ARHGAP22: variants seen among roughly 807,000 people sequenced by gnomAD.
The protein encoded by ARHGAP22 is rho GTPase-activating protein 22.
ARHGAP22 carries 48 observed loss-of-function variants against 59.1 expected under a neutral mutation model. That is an observed-to-expected ratio of 0.81 (90% CI 0.64 to 1.03). The LOEUF (loss-of-function observed/expected upper bound fraction) is 1.03. Among genes scored for constraint, ARHGAP22 ranks in the 50% least tolerant of loss-of-function variants. ARHGAP22 has a pLI of 0.00. For missense variants in ARHGAP22, 1,015 were observed against 958.7 expected, an observed-to-expected ratio of 1.06 and a Z score of -0.78; for synonymous variants, 445 against 416.4, an observed-to-expected ratio of 1.07 and a Z score of -0.84.
intron 2 of ARHGAP22, among the ~76,000 whole-genome samples, chr10:48,556,243 G>A (rs772581448): frequency 6.6e-6 from 1 of 152,022 alleles, no homozygotes. Context: ...CAGGTAACCC[G>A]CTCAATGTCT....
Position 48,446,391 on chromosome 10 carries a change from T to A in ARHGAP22, c.2097A>T (p.Ter699TyrextTer113). 6.2e-7 allele frequency: 1 copy of A among 1,614,094 alleles called. No homozygotes were observed. Among genetic ancestry groups the A allele is most frequent in the Non-Finnish European group, 8.5e-7 (1 of 1,179,988 alleles). ...VGAKGARAPK* is the reference protein window; with the variant it reads ...VGAKGARAPKY Reference sequence around the variant, plus strand: ...ACAGAAGTGAGCTCTGCCATTCCTTTTACTTTGGGGCCCTGGCACCTTTTG... The same window carrying A: ...ACAGAAGTGAGCTCTGCCATTCCTTATACTTTGGGGCCCTGGCACCTTTTG... Residue 699 changes from the stop codon to tyrosine (Y), a stop_lost, in exon 10 of 10, where the codon TAA becomes TAT. Transcript: ENST00000249601.
At chr10:48,604,271 C>T (rs2060549513) in intron 1 of ARHGAP22, among the ~76,000 whole-genome samples, 1 of 152,232 alleles carries the variant, frequency 6.6e-6, no homozygotes. Flanking sequence ...GGCAGGAAAG[C>T]CTGCCTGCCC....
chr10:48,456,201 C>T (rs938527060), intron 5 of ARHGAP22, among the ~76,000 whole-genome samples: 5 of 152,190 alleles, frequency 3.3e-5, no homozygotes, highest in African/African-American at 1.2e-4. Flanking sequence ...AAAGATGAGA[C>T]GGGGCCAGGA....
At chr10:48,655,047 T>TCC (rs1419651598), upstream of ARHGAP22, among the ~76,000 whole-genome samples, 27 of 49,944 alleles carry the variant, frequency 5.4e-4, no homozygotes, top group East Asian at 1.2e-3. Context: ...TCTTTCTTTC[T>TCC]TTCTTTCTCC....
chr10:48,565,988 G>A (rs576575063), intron 2 of ARHGAP22, among the ~76,000 whole-genome samples: 1 of 152,278 alleles, frequency 6.6e-6, no homozygotes, highest in Non-Finnish European at 1.5e-5. Flanking sequence ...TGCAGGGCCC[G>A]GGATGTCTGT....
chr10:48,455,951 C>A (rs1044222884), intron 5 of ARHGAP22, among the ~76,000 whole-genome samples: 1 of 152,198 alleles, frequency 6.6e-6, no homozygotes, highest in Admixed American at 6.5e-5. Flanking sequence ...CCACTCCAGG[C>A]CTCAGTCTCC....
chr10:48,492,544 C>T (rs775913533), intron 3 of ARHGAP22, among the ~76,000 whole-genome samples: 1 of 152,130 alleles, frequency 6.6e-6, no homozygotes. Context: ...AAAGTATATA[C>T]AAAATAAATT....
chr10:48,474,043 T>C (rs1430695087), intron 4 of ARHGAP22, among the ~76,000 whole-genome samples: 1 of 152,140 alleles, frequency 6.6e-6, no homozygotes, highest in Non-Finnish European at 1.5e-5. Context: ...GTTTGAGGAG[T>C]ATTGGCCTCT....
In ARHGAP22 at chr10:48,451,013, G is replaced by A. The variant is rs1395567166; in HGVS notation, c.1116C>T (p.Ser372=). The change falls in exon 9 of 10, where the codon TCC becomes TCT. Residue 372 remains serine, a synonymous_variant. Transcript: ENST00000249601. ...CTTGGCTGTCCCTGGTGACCTCCTC[G>A]GAGCCCCACCCCACTGCGCATTGCA... The part of the protein sequence containing the change: ...GGLQCAVGWG[S]EEVTRDSQGE... 1.5e-5 allele frequency: 24 copies of A among 1,555,516 alleles called. No homozygotes were observed. Among genetic ancestry groups the A allele is most frequent in the Non-Finnish European group, 1.9e-5 (22 of 1,149,898 alleles).
At chr10:48,523,030 C>T (rs1359696537) in intron 3 of ARHGAP22, among the ~76,000 whole-genome samples, 1 of 152,210 alleles carries the variant, frequency 6.6e-6, no homozygotes, top group African/African-American at 2.4e-5. Context: ...ATTGATGGCA[C>T]CATTCTCACC....
At chr10:48,591,990 C>T (rs2040558733) in intron 1 of ARHGAP22, among the ~76,000 whole-genome samples, 1 of 152,242 alleles carries the variant, frequency 6.6e-6, no homozygotes, top group South Asian at 2.1e-4. Flanking sequence ...TAGTCACAAT[C>T]AAGCATGCCC....
At chr10:48,622,090 A>C (rs2061304552) in intron 1 of ARHGAP22, among the ~76,000 whole-genome samples, 2 of 152,164 alleles carry the variant, frequency 1.3e-5, no homozygotes, top group African/African-American at 4.8e-5. Context: ...TTAAAAATCC[A>C]TCTTGCTTGT....
chr10:48,459,845 C>T lies in ARHGAP22; in HGVS notation c.498G>A (p.Lys166=), dbSNP rs1189245745. Residue 166 remains lysine (K), a synonymous_variant, in exon 5 of 10, where the codon AAG becomes AAA. Coordinates refer to ENST00000249601, the MANE Select transcript of ARHGAP22 (RefSeq NM_021226.4). ...GCAGGGGCGCCAGGCGGGGGCCATA[C>T]TTCCGCTCGTGGTGGACTGTTTCCT... ...RLEETVHHER[K]YGPRLAPLLV... is the part of the protein sequence containing the mutation. 3.1e-6 allele frequency: 5 copies of T among 1,613,266 alleles called. No individual in the cohort carries two copies. The highest frequency in any genetic ancestry group is 4.2e-6 in the Non-Finnish European group (5 of 1,180,048).
chr10:48,475,840 C>T (rs1249148478), intron 4 of ARHGAP22, among the ~76,000 whole-genome samples: 1 of 152,196 alleles, frequency 6.6e-6, no homozygotes, highest in Non-Finnish European at 1.5e-5. Flanking sequence ...CCATGAGGTG[C>T]TAACAGCTCT....
At chr10:48,554,950 C>T (rs1743260015) in intron 3 of ARHGAP22, among the ~76,000 whole-genome samples, 2 of 152,206 alleles carry the variant, frequency 1.3e-5, no homozygotes, top group South Asian at 2.1e-4. Context: ...CTGCAAGGCA[C>T]TTTTACTTAG....
At chr10:48,557,596 G>A (rs1034262663) in intron 2 of ARHGAP22, among the ~76,000 whole-genome samples, 1 of 152,192 alleles carries the variant, frequency 6.6e-6, no homozygotes, top group African/African-American at 2.4e-5. Flanking sequence ...CAGCTCAGGT[G>A]TGCCCAATGC....
intron 3 of ARHGAP22, among the ~76,000 whole-genome samples, chr10:48,529,039 T>A (rs1358541747): frequency 6.6e-6 from 1 of 152,206 alleles, no homozygotes; most frequent in Non-Finnish European, 1.5e-5. Context: ...AACACAGTCC[T>A]CCAATGGGTG....
rs1298496600 is a variant in ARHGAP22, at chr10:48,473,507, A to C, written c.451+6129T>G. ...ATGTGACAGGTCTCAATAAGTGTTT[A>C]ATGAATGAATGAGGACTATTTAGTA... is the stretch of plus-strand genomic sequence containing the variant. On this transcript the variant is annotated intron_variant, in intron 4 of 9. Coordinates refer to ENST00000249601, the MANE Select transcript of ARHGAP22 (RefSeq NM_021226.4). Among the ~76,000 whole-genome samples the C allele has an allele frequency of 2.0e-5, 3 of 151,762 alleles. No homozygotes were observed. The East Asian group carries it at 5.8e-4, about 29-fold the overall frequency.
rs1158630269 is a variant in ARHGAP22 at position 48,527,753 on chromosome 10, A to G, written c.322+27710T>C. ...CCAAATTGATGATGACCCCAAACTA[A>G]CTAGAATTTAGCCAAAACATCAGGA... is the stretch of plus-strand genomic sequence containing the variant. On this transcript the variant is annotated intron_variant, in intron 3 of 9. Transcript: ENST00000249601. 2.0e-5 allele frequency among the ~76,000 whole-genome samples: 3 copies of G among 152,202 alleles called. No homozygotes were observed. The East Asian group carries it at 5.8e-4, about 29-fold the overall frequency.
Sources: allele counts gnomAD v4.1 joint callset (sites outside exome capture counted in the v4.1 genomes callset), GRCh38; gene constraint gnomAD v4.1.1; transcripts MANE v1.5; gene names NCBI Gene and HGNC (gene_info 2026-07-23, HGNC 2026-07-21).